The following R3HDM1 variants were observed in gnomAD, a reference collection of about 807,000 sequenced individuals.
R3HDM1 encodes the protein R3H domain containing 1.
R3HDM1 carries 46 observed loss-of-function variants against 141.1 expected under a neutral mutation model. That is an observed-to-expected ratio of 0.33 (90% CI 0.26 to 0.42). The LOEUF is 0.42. R3HDM1 is among the 10% of genes least tolerant of loss of function. R3HDM1 has a pLI of 1.00. For synonymous variants in R3HDM1, 435 were observed against 472.9 expected (o/e 0.92, Z 1.04); for missense variants, 1,184 against 1,368.3 (o/e 0.87, Z 2.12).
intron 3 of R3HDM1, among the ~76,000 whole-genome samples, chr2:135,610,435 TC>T (rs1209742448): frequency 6.6e-6 from 1 of 152,198 alleles, no homozygotes; most frequent in African/African-American, 2.4e-5. Context: ...GAGTCAATTT[TC>T]CATACACAGA....
At chr2:135,708,604 A>G (rs1361099142) in intron 21 of R3HDM1, among the ~76,000 whole-genome samples, 1 of 152,202 alleles carries the variant, frequency 6.6e-6, no homozygotes, top group Admixed American at 6.5e-5. Flanking sequence ...ACTATTATAA[A>G]AAAATTCTAG....
intron 1 of R3HDM1, among the ~76,000 whole-genome samples, chr2:135,576,697 T>C (rs1027574436): frequency 1.3e-5 from 2 of 152,186 alleles, no homozygotes; most frequent in Admixed American, 1.3e-4. Flanking sequence ...TGATACATGC[T>C]ACAATGTGGG....
At chr2:135,581,184 T>C in intron 1 of R3HDM1, 1 of 985,114 alleles carries the variant, frequency 1.0e-6, no homozygotes, top group Non-Finnish European at 1.2e-6. Flanking sequence ...TAATAATGGT[T>C]GCCTATATTA....
chr2:135,590,784 A>G, intron 1 of R3HDM1: 1 of 940,340 alleles, frequency 1.1e-6, no homozygotes, highest in South Asian at 4.9e-5. Context: ...TTTATAGAGT[A>G]TGAAGGCAGA....
intron 19 of R3HDM1, among the ~76,000 whole-genome samples, chr2:135,674,095 A>G (rs1223177514): frequency 6.6e-6 from 1 of 152,110 alleles, no homozygotes; most frequent in Admixed American, 6.6e-5. Context: ...TCTTAATTTT[A>G]ATGTGTTGCT....
At chr2:135,720,977 C>T (rs1373053159) in intron 24 of R3HDM1, among the ~76,000 whole-genome samples, 1 of 152,118 alleles carries the variant, frequency 6.6e-6, no homozygotes, top group Non-Finnish European at 1.5e-5. Context: ...TGGTGTATTT[C>T]ATACGGGATG....
intron 5 of R3HDM1, among the ~76,000 whole-genome samples, chr2:135,618,279 G>A (rs1361980053): frequency 6.6e-6 from 1 of 151,132 alleles, no homozygotes; most frequent in Non-Finnish European, 1.5e-5. Context: ...TTCTGCCTCA[G>A]CCTGCCGAGT....
intron 6 of R3HDM1, chr2:135,622,307 T>C (rs1408039036): frequency 1.0e-6 from 1 of 984,732 alleles, no homozygotes; most frequent in East Asian, 1.1e-4. Flanking sequence ...ATTATGTAAA[T>C]CATTTAAATT....
Position 135,604,639 on chromosome 2 carries a change from T to C in R3HDM1, c.-40-167T>C, listed in dbSNP as rs189571920. 1.2e-4 allele frequency among the ~76,000 whole-genome samples: 18 copies of C among 152,306 alleles called. No homozygotes were observed. In the East Asian group the frequency reaches 3.1e-3, roughly 26 times the overall value. On this transcript the variant is annotated intron_variant, in intron 2 of 26. Transcript: ENST00000683871. ...TTTTCTCACTGTATTGTGATCTTTT[T>C]TTTAATTTGGATGTATCTAGCACAA...
chr2:135,652,107 T>C (rs544987107), intron 18 of R3HDM1, 75 bp downstream of exon 18: 1 of 1,478,302 alleles, frequency 6.8e-7, no homozygotes, highest in Non-Finnish European at 9.0e-7. Context: ...AAAGAACTTA[T>C]TTTTAAATTC....
chr2:135,620,699 T>C (rs2105174764), intron 5 of R3HDM1: 1 of 936,426 alleles, frequency 1.1e-6, no homozygotes, highest in Non-Finnish European at 1.3e-6. Flanking sequence ...GAATTTATTA[T>C]AGCTTTCTTT....
intron 21 of R3HDM1, among the ~76,000 whole-genome samples, chr2:135,697,331 A>T (rs2073398505): frequency 1.3e-5 from 2 of 152,224 alleles, no homozygotes; most frequent in African/African-American, 4.8e-5. Context: ...AAGGATTATT[A>T]TTTTTTAACT....
intron 17 of R3HDM1, 64 bp from the exon 18 acceptor site, chr2:135,651,666 T>C: frequency 6.7e-7 from 1 of 1,500,586 alleles, no homozygotes; most frequent in Non-Finnish European, 8.9e-7. Flanking sequence ...AGGAAGTATT[T>C]TTCTTTGATA....
chr2:135,707,739 G>T (rs554086348), intron 21 of R3HDM1, among the ~76,000 whole-genome samples: 2 of 152,128 alleles, frequency 1.3e-5, no homozygotes, highest in East Asian at 3.9e-4. Context: ...CCTCAATTTC[G>T]GCACATTTAC....
intron 19 of R3HDM1, among the ~76,000 whole-genome samples, chr2:135,673,419 T>A (rs2068697743): frequency 1.3e-5 from 2 of 152,224 alleles, no homozygotes; most frequent in Non-Finnish European, 2.9e-5. Flanking sequence ...TGTTATTTTT[T>A]AAGGGTGGAA....
In R3HDM1 at chr2:135,715,571, C is replaced by T. The variant is rs2076083122; in HGVS notation, c.2758C>T (p.Pro920Ser). ...GCAGCACAGCCCTCAACTCAGTAGCCCCATTATTTCACCAGCTCAGTCGCC... is the reference window on the plus strand; with the variant it reads ...GCAGCACAGCCCTCAACTCAGTAGCTCCATTATTTCACCAGCTCAGTCGCC... ...IVQHSPQLSS[P>S]IISPAQSPAP... The change falls in exon 24 of 27, where the codon CCC becomes TCC. Residue 920 changes from proline (P) to serine (S), a missense_variant. Coordinates refer to ENST00000683871, the MANE Select transcript of R3HDM1 (RefSeq NM_001378107.1). 1 of 1,613,856 alleles carries T rather than the reference C, an allele frequency of 6.2e-7. No homozygotes were observed. Among genetic ancestry groups the T allele is most frequent in the African/African-American group, 1.3e-5 (1 of 74,904 alleles).
At chr2:135,682,002 A>C (rs975612492) in intron 21 of R3HDM1, among the ~76,000 whole-genome samples, 2 of 150,862 alleles carry the variant, frequency 1.3e-5, no homozygotes, top group African/African-American at 2.4e-5. Flanking sequence ...TGTGAGTTTA[A>C]ATTTTATAAA....
At chr2:135,709,408 T>C (rs754015890) in intron 21 of R3HDM1, 25 bp from the exon 22 acceptor site, 5 of 1,613,400 alleles carry the variant, frequency 3.1e-6, no homozygotes, top group Non-Finnish European at 4.2e-6. Context: ...CCTCTCATTA[T>C]GCTGTTTTTT....
chr2:135,561,109 A>G (rs561059928), intron 1 of R3HDM1, among the ~76,000 whole-genome samples: 2 of 152,274 alleles, frequency 1.3e-5, no homozygotes, highest in South Asian at 4.1e-4. Flanking sequence ...GCATTACTTG[A>G]CTTACTAGAT....
Sources: gnomAD v4.1 joint callset for allele counts (sites outside exome capture counted in the v4.1 genomes callset) on GRCh38, gnomAD v4.1.1 for gene constraint, MANE v1.5 for transcripts, NCBI Gene and HGNC (gene_info 2026-07-23, HGNC 2026-07-21) for gene names.